SNX8: variants seen among roughly 807,000 people sequenced by gnomAD.
The protein encoded by SNX8 is sorting nexin 8.
SNX8 carries 25 observed loss-of-function variants against 51.6 expected under a neutral mutation model. That is an observed-to-expected ratio of 0.48 (90% CI 0.35 to 0.68). The LOEUF is 0.68. Among genes scored for constraint, SNX8 ranks in the 30% least tolerant of loss-of-function variants. The pLI is 0.00. For missense variants in SNX8, 695 were observed against 624.0 expected (o/e 1.11, Z -1.21); for synonymous variants, 324 against 277.0 (o/e 1.17, Z -1.68).
chr7:2,325,351 T>G (rs140364251), intron 1 of SNX8, among the ~76,000 whole-genome samples: 1 of 152,266 alleles, frequency 6.6e-6, no homozygotes, highest in African/African-American at 2.4e-5. Context: ...TTAGGTTTCC[T>G]GGAATTGGTT....
intron 1 of SNX8, among the ~76,000 whole-genome samples, chr7:2,334,689 G>A (rs1358951312): frequency 6.6e-6 from 1 of 151,734 alleles, no homozygotes; most frequent in Admixed American, 6.6e-5. Context: ...GACAGAGAGA[G>A]ACTCGGTCTC....
At chr7:2,330,618 G>C (rs1778712917) in intron 1 of SNX8, among the ~76,000 whole-genome samples, 1 of 151,982 alleles carries the variant, frequency 6.6e-6, no homozygotes. Context: ...AGGTAGTCTT[G>C]GGAACTGAGC....
rs11978766 is a variant in SNX8 at position 2,294,408 on chromosome 7, A to G, written c.95-16103T>C. Among the ~76,000 whole-genome samples the G allele has an allele frequency of 2.1e-3, 326 of 152,312 alleles. 2 individuals carry two copies. The highest frequency in any genetic ancestry group is 7.5e-3 in the African/African-American group (310 of 41,570). On this transcript the variant is annotated intron_variant, in intron 1 of 10. Transcript: ENST00000222990. ...AGGACTTGGAGATTGGAGCCCTCATACAGTGCTGGTGTCTGGAAGTCTACC... is the reference window on the plus strand; with the variant it reads ...AGGACTTGGAGATTGGAGCCCTCATGCAGTGCTGGTGTCTGGAAGTCTACC...
At chr7:2,276,218 G>T (rs1795776696) in intron 2 of SNX8, among the ~76,000 whole-genome samples, 1 of 152,162 alleles carries the variant, frequency 6.6e-6, no homozygotes, top group Non-Finnish European at 1.5e-5. Flanking sequence ...CACACGCTCA[G>T]AGTTGCCTCA....
At chr7:2,268,793 G>A (rs1158058416) in intron 5 of SNX8, among the ~76,000 whole-genome samples, 4 of 17,152 alleles carry the variant, frequency 2.3e-4, no homozygotes, top group Non-Finnish European at 4.5e-4. Flanking sequence ...CTGCCCGGCC[G>A]CCCCTACTGG....
In SNX8 at chr7:2,302,863, T is replaced by C. The variant is rs1446734073; in HGVS notation, c.94+11465A>G. Among the ~76,000 whole-genome samples, 9 of 142,654 alleles carry C rather than the reference T, an allele frequency of 6.3e-5. No individual in the cohort carries two copies. In the East Asian group the frequency reaches 1.4e-3, roughly 21 times the overall value. The allele number at this position is 142,654 out of a possible 152,430, so 93.6% of individuals were successfully genotyped here. Reference sequence around the variant, plus strand: ...CTGAGAAGTGAGGAGACCCTCTGCCTGGCAACCGCCCCGTCTGAGAAGTGA... The same window carrying C: ...CTGAGAAGTGAGGAGACCCTCTGCCCGGCAACCGCCCCGTCTGAGAAGTGA... On this transcript the variant is annotated intron_variant, in intron 1 of 10. Transcript: ENST00000222990.
intron 1 of SNX8, among the ~76,000 whole-genome samples, chr7:2,305,228 G>A (rs1294065920): frequency 3.9e-5 from 6 of 152,140 alleles, no homozygotes; most frequent in South Asian, 2.1e-4. Context: ...GCAAGAAAAC[G>A]GATTTCACCC....
chr7:2,327,179 T>C (rs77202958), intron 1 of SNX8, among the ~76,000 whole-genome samples: 2,436 of 152,142 alleles, frequency 0.016, 64 homozygotes, highest in African/African-American at 0.056. Flanking sequence ...TCTGCCTCTG[T>C]CATCACACAG....
At chr7:2,305,463 AAGTG>A in intron 1 of SNX8, among the ~76,000 whole-genome samples, 1 of 152,064 alleles carries the variant, frequency 6.6e-6, no homozygotes, top group Admixed American at 6.6e-5. Flanking sequence ...TCCTGGGTTC[AAGTG>A]ATTCTCCTGT....
At chr7:2,287,362 T>C (rs1461546006) in intron 1 of SNX8, among the ~76,000 whole-genome samples, 5 of 151,884 alleles carry the variant, frequency 3.3e-5, no homozygotes, top group African/African-American at 1.2e-4. Flanking sequence ...GGTGGATCCA[T>C]TGAGTGAGGA....
chr7:2,303,064 T>G, intron 1 of SNX8, among the ~76,000 whole-genome samples: 3 of 132,750 alleles, frequency 2.3e-5, no homozygotes, highest in African/African-American at 2.9e-5. Context: ...GGTGGGGAGG[T>G]CAGCCCCCCA....
In SNX8 at chr7:2,257,794, C is replaced by T. The variant is rs373584203; in HGVS notation, c.925G>A (p.Glu309Lys). 4 of 1,614,010 alleles carry T rather than the reference C, an allele frequency of 2.5e-6. No individual in the cohort carries two copies. Among genetic ancestry groups the T allele is most frequent in the Non-Finnish European group, 3.4e-6 (4 of 1,179,984 alleles). ...ADKAAQQGKQ[E>K]ENDVVEKLNL... ...AGCTTCTCCACCACGTCGTTCTCTTCCTGCTTACCCTGGAAGGCGAGGGGG... is the reference window on the plus strand; with the variant it reads ...AGCTTCTCCACCACGTCGTTCTCTTTCTGCTTACCCTGGAAGGCGAGGGGG... The change falls in exon 8 of 11, where the codon GAA (glutamate) becomes AAA (lysine). Residue 309 changes from glutamate (E) to lysine (K), a missense_variant. Coordinates refer to ENST00000222990, the MANE Select transcript of SNX8 (RefSeq NM_013321.4).
At chr7:2,328,230 T>C (rs1778662777) in intron 1 of SNX8, among the ~76,000 whole-genome samples, 1 of 152,090 alleles carries the variant, frequency 6.6e-6, no homozygotes, top group Non-Finnish European at 1.5e-5. Flanking sequence ...TTTTCTGTTT[T>C]TAGTAGAGAC....
At chr7:2,275,422 G>A (rs1039768596) in intron 2 of SNX8, among the ~76,000 whole-genome samples, 193 bp from the exon 3 acceptor site, 5 of 152,242 alleles carry the variant, frequency 3.3e-5, no homozygotes, top group Admixed American at 1.3e-4. Context: ...CTCTTAGGCC[G>A]GGTGCGGTGG....
chr7:2,343,691 AAAG>A (rs966010014), intron 1 of SNX8, among the ~76,000 whole-genome samples: 4 of 151,972 alleles, frequency 2.6e-5, no homozygotes, highest in East Asian at 1.9e-4. Flanking sequence ...TAAATAAATA[AAAG>A]AAGATTATCT....
chr7:2,267,106 T>C lies in SNX8; in HGVS notation c.621+2453A>G, dbSNP rs189116234. Reference sequence around the variant, plus strand: ...TGGCAAATGACAGCCTCCCTGAGCCTGTTTCTCCATCCGTAAAACAGGCCT... The same window carrying C: ...TGGCAAATGACAGCCTCCCTGAGCCCGTTTCTCCATCCGTAAAACAGGCCT... On this transcript the variant is annotated intron_variant, in intron 5 of 10. Transcript: ENST00000222990. Among the ~76,000 whole-genome samples the C allele has an allele frequency of 4.4e-3, 663 of 152,358 alleles. 6 individuals are homozygous for C. Among genetic ancestry groups the C allele is most frequent in the African/African-American group, 0.016 (646 of 41,580 alleles).
chr7:2,257,845 G>T, intron 7 of SNX8, 42 bp from the exon 8 acceptor site: 2 of 1,586,200 alleles, frequency 1.3e-6, no homozygotes, highest in Non-Finnish European at 1.7e-6. Context: ...ACGCACATAG[G>T]ACCCGGTCCC....
chr7:2,354,124 G>A (rs1439193566), intron 1 of SNX8: 3 of 152,394 alleles, frequency 2.0e-5, no homozygotes, highest in Admixed American at 6.5e-5. Flanking sequence ...GGCGGCCTCG[G>A]ATGGACTGAA....
chr7:2,301,221 C>T (rs755850626), intron 1 of SNX8, among the ~76,000 whole-genome samples: 8 of 152,158 alleles, frequency 5.3e-5, no homozygotes, highest in Non-Finnish European at 1.2e-4. Flanking sequence ...TTAACGTGGC[C>T]AGACGCAAAT....
Sources: allele counts gnomAD v4.1 joint callset (sites outside exome capture counted in the v4.1 genomes callset), GRCh38; gene constraint gnomAD v4.1.1; transcripts MANE v1.5; gene names NCBI Gene and HGNC (gene_info 2026-07-23, HGNC 2026-07-21).